The following PLCB1 variants were observed in gnomAD, a reference collection of about 807,000 sequenced individuals.
The protein encoded by PLCB1 is phospholipase C beta 1, also known as 1-phosphatidylinositol 4,5-bisphosphate phosphodiesterase beta-1.
Under a neutral mutation model 161.8 loss-of-function variants are expected in PLCB1, and 46 were observed. The ratio of observed to expected loss-of-function variants is 0.28; its 90% confidence interval spans 0.22 to 0.36. The LOEUF (loss-of-function observed/expected upper bound fraction) is 0.36, where lower values mean the gene tolerates loss of function less well. Among genes scored for constraint, PLCB1 ranks in the 10% least tolerant of loss-of-function variants. The pLI is 1.00. For synonymous variants in PLCB1, 517 were observed against 503.7 expected, an observed-to-expected ratio of 1.03 and a Z score of -0.35; for missense variants, 1,016 against 1,472.5, an observed-to-expected ratio of 0.69 and a Z score of 5.07.
intron 3 of PLCB1, among the ~76,000 whole-genome samples, chr20:8,540,805 T>C (rs763535817): frequency 6.6e-6 from 1 of 152,162 alleles, no homozygotes; most frequent in Non-Finnish European, 1.5e-5. Context: ...AGACCTACAA[T>C]TGATCTATTG....
intron 3 of PLCB1, among the ~76,000 whole-genome samples, chr20:8,545,232 A>G (rs1985492422): frequency 6.6e-6 from 1 of 152,238 alleles, no homozygotes; most frequent in Non-Finnish European, 1.5e-5. Context: ...GAATCAGGAA[A>G]ATACAAGGCA....
At chr20:8,424,663 G>T (rs1979673638) in intron 3 of PLCB1, among the ~76,000 whole-genome samples, 1 of 152,128 alleles carries the variant, frequency 6.6e-6, no homozygotes, top group Non-Finnish European at 1.5e-5. Context: ...CCTAGCATTC[G>T]TATTTAGCAA....
At chr20:8,137,696 G>A (rs1388781144) in intron 1 of PLCB1, among the ~76,000 whole-genome samples, 1 of 152,168 alleles carries the variant, frequency 6.6e-6, no homozygotes, top group African/African-American at 2.4e-5. Context: ...CATGTCATCA[G>A]TACCAGATCA....
chr20:8,333,936 G>GC (rs1600322700), intron 2 of PLCB1, among the ~76,000 whole-genome samples: 2 of 152,206 alleles, frequency 1.3e-5, no homozygotes, highest in Non-Finnish European at 2.9e-5. Context: ...TGGGCCTGGC[G>GC]CGGTGGCTCA....
chr20:8,372,819 T>C (rs1448738629), intron 3 of PLCB1, among the ~76,000 whole-genome samples: 1 of 152,226 alleles, frequency 6.6e-6, no homozygotes, highest in Non-Finnish European at 1.5e-5. Context: ...AATTTATCTT[T>C]GAACCTAAGT....
intron 2 of PLCB1, among the ~76,000 whole-genome samples, chr20:8,316,885 T>C (rs1984684548): frequency 6.6e-6 from 1 of 152,168 alleles, no homozygotes; most frequent in Non-Finnish European, 1.5e-5. Flanking sequence ...ATTTATCACC[T>C]TCTCTCATAA....
At chr20:8,547,755 A>G (rs1310789579) in intron 3 of PLCB1, among the ~76,000 whole-genome samples, 1 of 152,136 alleles carries the variant, frequency 6.6e-6, no homozygotes, top group Non-Finnish European at 1.5e-5. Flanking sequence ...ATGTTTCCAG[A>G]TTAACTAGTA....
intron 10 of PLCB1, among the ~76,000 whole-genome samples, chr20:8,690,870 G>A (rs1057481834): frequency 6.6e-6 from 1 of 152,148 alleles, no homozygotes; most frequent in Non-Finnish European, 1.5e-5. Context: ...TAATTTGTGA[G>A]GTTAGAAGCA....
At chr20:8,825,781 C>G (rs1600359697) in intron 31 of PLCB1, among the ~76,000 whole-genome samples, 1 of 152,208 alleles carries the variant, frequency 6.6e-6, no homozygotes, top group East Asian at 1.9e-4. Flanking sequence ...AAAAGATTAG[C>G]TAGGGATATT....
chr20:8,472,034 A>G (rs1982074810), intron 3 of PLCB1, among the ~76,000 whole-genome samples: 1 of 152,224 alleles, frequency 6.6e-6, no homozygotes, highest in Non-Finnish European at 1.5e-5. Flanking sequence ...TCAGGTTGAA[A>G]GTATGCAAAA....
chr20:8,134,734 A>G (rs946270425), intron 1 of PLCB1, among the ~76,000 whole-genome samples: 4 of 152,156 alleles, frequency 2.6e-5, no homozygotes, highest in Non-Finnish European at 5.9e-5. Context: ...AGAGGACGTT[A>G]GTGAAATACC....
At chr20:8,569,731 C>A (rs1306797988) in intron 3 of PLCB1, among the ~76,000 whole-genome samples, 1 of 151,978 alleles carries the variant, frequency 6.6e-6, no homozygotes. Flanking sequence ...TATACTGTAA[C>A]AATAAGTAGA....
intron 7 of PLCB1, 154 bp downstream of exon 7, chr20:8,649,603 C>A: frequency 1.6e-6 from 1 of 614,022 alleles, no homozygotes; most frequent in Non-Finnish European, 2.9e-6. Flanking sequence ...AATGGATTAT[C>A]ATCGGAGAGG....
intron 23 of PLCB1, among the ~76,000 whole-genome samples, chr20:8,749,308 C>G (rs191125773): frequency 1.3e-5 from 2 of 152,156 alleles, no homozygotes; most frequent in African/African-American, 4.8e-5. Flanking sequence ...ATCTTTCTTT[C>G]GCAAGAGTGT....
At chr20:8,851,575 GAT>G (rs1986886439) in intron 31 of PLCB1, among the ~76,000 whole-genome samples, 1 of 152,058 alleles carries the variant, frequency 6.6e-6, no homozygotes, top group Non-Finnish European at 1.5e-5. Flanking sequence ...ACTTTTTGTT[GAT>G]AAGGATTCCA....
In PLCB1 at chr20:8,685,014, T is replaced by C. The variant is rs754461628; in HGVS notation, c.945T>C (p.Asn315=). ...TTTCACCTGAGAAACTGGATTTGAATGAAGACATGTCTCAGCCCCTTTCTC... is the reference window on the plus strand; with the variant it reads ...TTTCACCTGAGAAACTGGATTTGAACGAAGACATGTCTCAGCCCCTTTCTC... ...GVVSPEKLDL[N]EDMSQPLSHY... The change falls in exon 10 of 32, where the codon AAT becomes AAC. Residue 315 remains asparagine (N), a synonymous_variant. Coordinates refer to ENST00000338037, the MANE Select transcript of PLCB1 (RefSeq NM_015192.4). The C allele has an allele frequency of 1.9e-6, 3 of 1,613,404 alleles. No individual in the cohort carries two copies. In the South Asian group the frequency reaches 3.3e-5, roughly 18 times the overall value.
chr20:8,203,664 A>T (rs1978364959), intron 2 of PLCB1, among the ~76,000 whole-genome samples: 1 of 152,124 alleles, frequency 6.6e-6, no homozygotes, highest in Admixed American at 6.5e-5. Flanking sequence ...TTAATGCATG[A>T]TGGGAGGGAT....
intron 31 of PLCB1, among the ~76,000 whole-genome samples, chr20:8,800,066 A>G (rs748171506): frequency 1.4e-4 from 22 of 152,240 alleles, no homozygotes; most frequent in Non-Finnish European, 2.6e-4. Context: ...CAGAAAATCC[A>G]AAGAGGAAAT....
chr20:8,408,092 TA>T (rs1021142019), intron 3 of PLCB1, among the ~76,000 whole-genome samples: 1 of 152,228 alleles, frequency 6.6e-6, no homozygotes, highest in Admixed American at 6.5e-5. Context: ...ATTAGTTTTT[TA>T]AAAATATCAA....
Sources: gnomAD v4.1 joint callset for allele counts (sites outside exome capture counted in the v4.1 genomes callset) on GRCh38, gnomAD v4.1.1 for gene constraint, MANE v1.5 for transcripts, NCBI Gene and HGNC (gene_info 2026-07-23, HGNC 2026-07-21) for gene names.